The following ZMYM4 variants were observed in gnomAD, a reference collection of about 807,000 sequenced individuals.
ZMYM4 encodes zinc finger MYM-type protein 4.
In ZMYM4, 31 loss-of-function variants were observed where a neutral mutation model predicts 183.2. That is an observed-to-expected ratio of 0.17 (90% CI 0.13 to 0.23). The LOEUF (loss-of-function observed/expected upper bound fraction) is 0.23. ZMYM4 is among the 10% of genes least tolerant of loss of function. The pLI, the probability that ZMYM4 is intolerant of heterozygous loss-of-function variation, is 1.00. For synonymous variants in ZMYM4, 592 were observed against 631.2 expected (o/e 0.94, Z 0.93); for missense variants, 1,273 against 1,840.3 (o/e 0.69, Z 5.64).
intron 25 of ZMYM4, 59 bp from the exon 26 acceptor site, chr1:35,407,949 A>G: frequency 6.2e-7 from 1 of 1,603,778 alleles, no homozygotes; most frequent in Non-Finnish European, 8.5e-7. Flanking sequence ...TATTCAGTTA[A>G]TCAATGCTAC....
At position 35,287,628 on chromosome 1, in the gene ZMYM4, C is replaced by T. The variant is rs12143198; in HGVS notation, c.39+18543C>T. On this transcript the variant is annotated intron_variant, in intron 1 of 29. Coordinates refer to ENST00000314607, the MANE Select transcript of ZMYM4 (RefSeq NM_005095.3). Reference sequence around the variant, plus strand: ...TTATTTTATTTTATTTTTTGGGGGACGGAGTCTTGCTCTGTCACCCAGGCT... The same window carrying T: ...TTATTTTATTTTATTTTTTGGGGGATGGAGTCTTGCTCTGTCACCCAGGCT... 4.1e-3 allele frequency among the ~76,000 whole-genome samples: 625 copies of T among 151,300 alleles called. 3 individuals carry two copies. The highest frequency in any genetic ancestry group is 6.1e-3 in the Admixed American group (93 of 15,200).
intron 2 of ZMYM4, among the ~76,000 whole-genome samples, chr1:35,346,818 C>G (rs1013325978): frequency 1.3e-5 from 2 of 152,082 alleles, no homozygotes; most frequent in Non-Finnish European, 2.9e-5. Flanking sequence ...GTAGTGTTAG[C>G]AAACCTTTTT....
intron 1 of ZMYM4, among the ~76,000 whole-genome samples, chr1:35,318,953 G>A (rs1453299847): frequency 1.3e-5 from 2 of 151,978 alleles, no homozygotes; most frequent in Admixed American, 6.6e-5. Flanking sequence ...GTGGCATGAT[G>A]TTGGCTCACC....
At chr1:35,281,002 A>G (rs557782947) in intron 1 of ZMYM4, among the ~76,000 whole-genome samples, 111 of 152,258 alleles carry the variant, frequency 7.3e-4, no homozygotes, top group South Asian at 1.7e-3. Context: ...AAAAAATCAC[A>G]GGTCGGGTGC....
At chr1:35,354,727 TAAAAAAAAAAAAAA>T (rs57493035) in intron 2 of ZMYM4, among the ~76,000 whole-genome samples, 12 of 84,036 alleles carry the variant, frequency 1.4e-4, no homozygotes, top group South Asian at 8.0e-4. Flanking sequence ...ACTTTGTCTT[TAAAAAAAAAAAAAA>T]AAAAAAAAAA....
In ZMYM4 at chr1:35,414,077, C is replaced by A; in HGVS notation, c.4054C>A (p.Pro1352Thr). ...GAAAATATGGGAACCTACAATACTT[C>A]CTAATGGTAGGGTGATTTTTTTTTT... ...LLKIWEPTILPNGYMFSRIEE... is the reference protein window; with the variant it reads ...LLKIWEPTILTNGYMFSRIEE... The change falls in exon 27 of 30, where the codon CCT becomes ACT. Residue 1352 changes from proline to threonine, a missense_variant. This residue lies in a region of ZMYM4 where 145 missense variants were observed against 331.6 expected (regional missense o/e 0.44). Coordinates refer to ENST00000314607, the MANE Select transcript of ZMYM4 (RefSeq NM_005095.3). 1 of 1,519,706 alleles carries A rather than the reference C, an allele frequency of 6.6e-7. No homozygotes were observed. Among genetic ancestry groups the A allele is most frequent in the Non-Finnish European group, 9.0e-7 (1 of 1,115,314 alleles). The allele number at this position is 1,519,706 out of a possible 1,614,324, so 94.1% of individuals were successfully genotyped here.
intron 2 of ZMYM4, among the ~76,000 whole-genome samples, chr1:35,335,376 A>G (rs1277101325): frequency 1.3e-5 from 2 of 151,862 alleles, no homozygotes; most frequent in African/African-American, 2.4e-5. Flanking sequence ...AGCTGGGACT[A>G]TAGGCACCCA....
intron 1 of ZMYM4, among the ~76,000 whole-genome samples, chr1:35,270,229 G>T (rs1231069153): frequency 6.6e-6 from 1 of 152,188 alleles, no homozygotes; most frequent in African/African-American, 2.4e-5. Flanking sequence ...TAGTTGCAAG[G>T]TTGAGGTAGG....
intron 1 of ZMYM4, among the ~76,000 whole-genome samples, chr1:35,277,091 A>C (rs1055568658): frequency 6.6e-6 from 1 of 152,248 alleles, no homozygotes; most frequent in South Asian, 2.1e-4. Flanking sequence ...AGTTAAATAC[A>C]GAGCAGTGGT....
chr1:35,270,493 T>C (rs941355538), intron 1 of ZMYM4, among the ~76,000 whole-genome samples: 2 of 152,176 alleles, frequency 1.3e-5, no homozygotes, highest in African/African-American at 2.4e-5. Flanking sequence ...GCACAGCGGC[T>C]CACGCCTGTA....
At chr1:35,392,956 A>AG (rs1225320666) in intron 17 of ZMYM4, among the ~76,000 whole-genome samples, 1 of 152,196 alleles carries the variant, frequency 6.6e-6, no homozygotes, top group African/African-American at 2.4e-5. Flanking sequence ...TAGGCCTGAA[A>AG]GACTTTTGGA....
At chr1:35,322,971 T>C (rs957174623) in intron 1 of ZMYM4, among the ~76,000 whole-genome samples, 75 of 151,426 alleles carry the variant, frequency 5.0e-4, no homozygotes, top group African/African-American at 1.7e-3. Context: ...ATTACAGGCG[T>C]GAGTCACCAC....
intron 1 of ZMYM4, among the ~76,000 whole-genome samples, chr1:35,271,759 C>T (rs920500175): frequency 6.6e-6 from 1 of 152,110 alleles, no homozygotes; most frequent in Non-Finnish European, 1.5e-5. Context: ...GTATAGGTTT[C>T]CCCCATTATT....
chr1:35,374,661 C>T (rs1288881523), intron 7 of ZMYM4, among the ~76,000 whole-genome samples: 1 of 142,018 alleles, frequency 7.0e-6, no homozygotes, highest in Non-Finnish European at 1.5e-5. Context: ...AAGTCAGCCA[C>T]ATCTCCGTCT....
intron 2 of ZMYM4, among the ~76,000 whole-genome samples, chr1:35,344,942 A>C (rs776610581): frequency 6.6e-6 from 1 of 152,206 alleles, no homozygotes; most frequent in Non-Finnish European, 1.5e-5. Context: ...TCACTAGTGG[A>C]GACATCCGGG....
At chr1:35,288,212 T>G (rs1279007429) in intron 1 of ZMYM4, among the ~76,000 whole-genome samples, 1 of 152,266 alleles carries the variant, frequency 6.6e-6, no homozygotes, top group African/African-American at 2.4e-5. Context: ...CTTTTGACTT[T>G]CCTTGCTTTT....
At chr1:35,381,183 T>G in intron 7 of ZMYM4, 76 bp from the exon 8 acceptor site, 1 of 1,230,228 alleles carries the variant, frequency 8.1e-7, no homozygotes, top group Non-Finnish European at 1.1e-6. Context: ...TCTGTTTTAT[T>G]TAGTTATTTT....
In ZMYM4 at chr1:35,398,436, C is replaced by T; in HGVS notation, c.3223C>T (p.Leu1075Phe). The T allele has an allele frequency of 2.5e-6, 4 of 1,611,572 alleles. No individual in the cohort carries two copies. The highest frequency in any genetic ancestry group is 2.5e-6 in the Non-Finnish European group (3 of 1,179,082). The change falls in exon 21 of 30, where the codon CTC becomes TTC. Residue 1075 changes from leucine to phenylalanine, a missense_variant. Transcript: ENST00000314607. ...AGAGTCCCAAACTTCTGAACACGAA[C>T]TCTTTCTAGACACCAAGATATTTGA... ...QGESQTSEHELFLDTKIFEKD... is the reference protein window; with the variant it reads ...QGESQTSEHEFFLDTKIFEKD...
chr1:35,395,693 T>A (rs1395452189), intron 18 of ZMYM4, among the ~76,000 whole-genome samples: 1 of 152,344 alleles, frequency 6.6e-6, no homozygotes, highest in African/African-American at 2.4e-5. Context: ...GGGCCTAGGC[T>A]ATTTTAAACA....
Sources: gnomAD v4.1 joint callset for allele counts (sites outside exome capture counted in the v4.1 genomes callset) on GRCh38, gnomAD v4.1.1 for gene constraint, gnomAD v4.1.1 regional missense constraint, MANE v1.5 for transcripts, NCBI Gene and HGNC (gene_info 2026-07-23, HGNC 2026-07-21) for gene names.